The following ZFHX3 variants were observed in gnomAD, a reference collection of about 807,000 sequenced individuals.
The protein encoded by ZFHX3 is zinc finger homeobox protein 3.
Under a neutral mutation model 279.1 loss-of-function variants are expected in ZFHX3, and 42 were observed. The observed-to-expected ratio is 0.15, with a 90% CI of 0.12 to 0.19. The LOEUF is 0.19. ZFHX3 is among the 10% of genes least tolerant of loss of function. The pLI is 1.00. For missense variants in ZFHX3, 4,981 were observed against 4,754.0 expected (o/e 1.05, Z -1.40); for synonymous variants, 2,293 against 1,957.8 (o/e 1.17, Z -4.52).
intron 3 of ZFHX3, among the ~76,000 whole-genome samples, chr16:73,431,992 C>A (rs1392642334): frequency 6.6e-6 from 1 of 152,158 alleles, no homozygotes; most frequent in African/African-American, 2.4e-5. Flanking sequence ...GTGTTGCTCT[C>A]TTATACCAAG....
intron 4 of ZFHX3, among the ~76,000 whole-genome samples, chr16:73,313,636 T>A (rs1355120537): frequency 6.6e-6 from 1 of 152,182 alleles, no homozygotes; most frequent in African/African-American, 2.4e-5. Context: ...GCGGTATTAG[T>A]AACAATAGAA....
chr16:73,689,186 A>C (rs926296382), intron 1 of ZFHX3, among the ~76,000 whole-genome samples: 2 of 152,236 alleles, frequency 1.3e-5, no homozygotes, highest in African/African-American at 4.8e-5. Flanking sequence ...ACGTCTTTCA[A>C]TTCAAAATAT....
chr16:73,320,168 T>C (rs2015546849), intron 3 of ZFHX3, among the ~76,000 whole-genome samples: 1 of 152,204 alleles, frequency 6.6e-6, no homozygotes, highest in South Asian at 2.1e-4. Context: ...GTCGAGGGCC[T>C]GGGATTCAGA....
At chr16:73,834,608 G>C (rs1457240503) in intron 1 of ZFHX3, among the ~76,000 whole-genome samples, 1 of 152,208 alleles carries the variant, frequency 6.6e-6, no homozygotes, top group African/African-American at 2.4e-5. Context: ...GGAAAGAAGT[G>C]TCAGCTGGGC....
At chr16:73,036,002 C>G (rs957406090) in intron 1 of ZFHX3, among the ~76,000 whole-genome samples, 6 of 152,276 alleles carry the variant, frequency 3.9e-5, no homozygotes, top group Admixed American at 1.3e-4. Context: ...AGCCTGATTT[C>G]TTACTATCAA....
At chr16:73,362,355 G>A (rs2016447276) in intron 3 of ZFHX3, among the ~76,000 whole-genome samples, 1 of 152,176 alleles carries the variant, frequency 6.6e-6, no homozygotes, top group Non-Finnish European at 1.5e-5. Context: ...TGCTGCCTGG[G>A]GGCTTGACCA....
chr16:73,005,991 A>T (rs1597081929), intron 1 of ZFHX3: 1 of 152,342 alleles, frequency 6.6e-6, no homozygotes, highest in Non-Finnish European at 1.5e-5. Flanking sequence ...TATCTTTTAA[A>T]ATGTTACGTT....
chr16:72,974,011 C>T (rs1453472624), intron 1 of ZFHX3, among the ~76,000 whole-genome samples: 1 of 152,164 alleles, frequency 6.6e-6, no homozygotes, highest in Non-Finnish European at 1.5e-5. Flanking sequence ...ACTATGGTTC[C>T]TAAGTTCCTA....
At chr16:72,920,561 C>T (rs1205041546) in intron 3 of ZFHX3, among the ~76,000 whole-genome samples, 2 of 151,696 alleles carry the variant, frequency 1.3e-5, no homozygotes, top group Non-Finnish European at 2.9e-5. Flanking sequence ...TGGTGGTAAG[C>T]GCCTGTAATC....
chr16:73,612,755 T>C (rs745757981), intron 2 of ZFHX3, among the ~76,000 whole-genome samples: 9 of 152,132 alleles, frequency 5.9e-5, no homozygotes, highest in Non-Finnish European at 1.0e-4. Context: ...AGAAAACTCA[T>C]AAAATAGTGC....
intron 1 of ZFHX3, among the ~76,000 whole-genome samples, chr16:73,022,641 C>T (rs1310520692): frequency 1.3e-5 from 2 of 152,148 alleles, no homozygotes; most frequent in African/African-American, 4.8e-5. Flanking sequence ...ACCGCTGAAA[C>T]TGAGTTTCAG....
At chr16:72,825,383 A>G (rs1027690102) in intron 5 of ZFHX3, among the ~76,000 whole-genome samples, 2 of 152,250 alleles carry the variant, frequency 1.3e-5, no homozygotes, top group African/African-American at 4.8e-5. Context: ...CTAATGATCA[A>G]ACTGAAAATG....
At chr16:73,823,653 G>A (rs1277217077) in intron 1 of ZFHX3, among the ~76,000 whole-genome samples, 4 of 148,088 alleles carry the variant, frequency 2.7e-5, no homozygotes, top group Admixed American at 2.6e-4. Flanking sequence ...CTGCTTTGGC[G>A]CTACAATGGC....
intron 5 of ZFHX3, among the ~76,000 whole-genome samples, chr16:73,192,525 A>G (rs901855977): frequency 6.6e-6 from 1 of 152,142 alleles, no homozygotes; most frequent in Non-Finnish European, 1.5e-5. Context: ...AGCTCCTGAG[A>G]AATGGAGTCT....
chr16:73,339,286 A>G (rs1359781485), intron 3 of ZFHX3, among the ~76,000 whole-genome samples: 1 of 152,132 alleles, frequency 6.6e-6, no homozygotes, highest in Non-Finnish European at 1.5e-5. Context: ...CTGCCTTGTA[A>G]TGAAGTTGTT....
intron 3 of ZFHX3, among the ~76,000 whole-genome samples, chr16:73,327,964 A>T (rs1486452595): frequency 6.6e-6 from 1 of 152,204 alleles, no homozygotes; most frequent in East Asian, 1.9e-4. Flanking sequence ...ACAAGCATTT[A>T]ATTTCCTTTA....
chr16:73,128,156 C>A (rs1162272194), intron 7 of ZFHX3, among the ~76,000 whole-genome samples: 1 of 152,030 alleles, frequency 6.6e-6, no homozygotes, highest in Non-Finnish European at 1.5e-5. Flanking sequence ...CCCAGCATAA[C>A]TGAACTTTTT....
At chr16:72,842,799 T>C (rs2037377120) in intron 4 of ZFHX3, among the ~76,000 whole-genome samples, 1 of 152,150 alleles carries the variant, frequency 6.6e-6, no homozygotes, top group Admixed American at 6.6e-5. Context: ...TAAAGAACTT[T>C]GCTGAAAGGT....
chr16:73,347,611 G>A lies in ZFHX3; in HGVS notation c.-1290-29275C>T, dbSNP rs2016146555. 2.6e-5 allele frequency among the ~76,000 whole-genome samples: 4 copies of A among 152,268 alleles called. 1 individual carries two copies. The highest frequency in any genetic ancestry group is 6.5e-5 in the Admixed American group (1 of 15,294). ...GAGGCTTGACTTGGAGCTATCAGCT[G>A]TGTTTAAGCATGACTGCTATGGTAA... On this transcript the variant is annotated intron_variant, in intron 3 of 17. Coordinates refer to the ZFHX3 transcript ENST00000641206.
Sources: gnomAD v4.1 joint callset for allele counts (sites outside exome capture counted in the v4.1 genomes callset) on GRCh38, gnomAD v4.1.1 for gene constraint, MANE v1.5 for transcripts, NCBI Gene and HGNC (gene_info 2026-07-23, HGNC 2026-07-21) for gene names.